LILRB1: variants seen among roughly 807,000 people sequenced by gnomAD.
The protein encoded by LILRB1 is leukocyte immunoglobulin-like receptor subfamily B member 1.
In LILRB1, 59 loss-of-function variants were observed where a neutral mutation model predicts 74.6. That is an observed-to-expected ratio of 0.79 (90% CI 0.64 to 0.98). LILRB1 has a LOEUF of 0.98. Among genes scored for constraint, LILRB1 ranks in the 50% least tolerant of loss-of-function variants. The pLI, the probability that LILRB1 is intolerant of heterozygous loss-of-function variation, is 0.00. For synonymous variants in LILRB1, 328 were observed against 333.9 expected, an observed-to-expected ratio of 0.98 and a Z score of 0.19; for missense variants, 804 against 822.6, an observed-to-expected ratio of 0.98 and a Z score of 0.28.
At chr19:54,635,959 G>A (rs189373144) in intron 13 of LILRB1, 71 of 577,396 alleles carry the variant, frequency 1.2e-4, no homozygotes, top group Admixed American at 7.0e-4. Flanking sequence ...ACTGTGGATG[G>A]GGCTCCCCAT....
rs2081658 is a variant in LILRB1 at position 54,634,030 on chromosome 19, C to T, written c.1363+9C>T. The T allele has an allele frequency of 1.0e-5, 16 of 1,588,486 alleles. No individual in the cohort carries two copies. Among genetic ancestry groups the T allele is most frequent in the African/African-American group, 2.7e-5 (2 of 74,414 alleles). On this transcript the variant is annotated intron_variant, in intron 9 of 14. Transcript: ENST00000324602. ...GTCGGATCCCCAGAGTGGTGAGTGA[C>T]GGGCTCTGAGTGGGAGGTGGGCAGG... is the stretch of plus-strand genomic sequence containing the variant.
chr19:54,630,050 C>G (rs1190931307), upstream of LILRB1, among the ~76,000 whole-genome samples: 1 of 152,174 alleles, frequency 6.6e-6, no homozygotes, highest in Admixed American at 6.5e-5. Context: ...GGAAATCAGG[C>G]ACAAATGAGC....
upstream of LILRB1, among the ~76,000 whole-genome samples, chr19:54,616,432 T>C (rs1225770334): frequency 1.3e-5 from 2 of 152,176 alleles, no homozygotes; most frequent in African/African-American, 2.4e-5. Context: ...ATTTGGTGCC[T>C]GAACACGTGA....
chr19:54,633,851 C>T (rs2064138647), intron 8 of LILRB1, 120 bp from the exon 9 acceptor site: 1 of 1,464,220 alleles, frequency 6.8e-7, no homozygotes. Flanking sequence ...TGAGGCTGGG[C>T]TGGTGAGGGG....
rs1264005947 is a variant in LILRB1 at position 54,637,306 on chromosome 19, TC to T, written c.*429del. The T allele has an allele frequency of 5.8e-6, 1 of 171,214 alleles. No homozygotes were observed. The highest frequency in any genetic ancestry group is 1.3e-5 in the Non-Finnish European group (1 of 79,080). 10.6% of individuals were successfully genotyped at this position (171,214 alleles called of 1,614,324 possible). On this transcript the variant is annotated 3_prime_UTR_variant, in exon 15 of 15. Coordinates refer to ENST00000324602, the MANE Select transcript of LILRB1 (RefSeq NM_001081637.3). The stretch of plus-strand genomic sequence containing the variant: ...ACTTTGGGAGGCCGAGGCGGGCAGA[TC>T]ACGAGTTCAGGAGATCGAGACCATC...
At chr19:54,622,896 G>A (rs1036996962) in intron 1 of LILRB1, among the ~76,000 whole-genome samples, 4 of 152,086 alleles carry the variant, frequency 2.6e-5, no homozygotes, top group East Asian at 1.9e-4. Flanking sequence ...GGACTTTCTC[G>A]AACGCTTTAT....
chr19:54,631,409 T>C (rs2146244469), intron 3 of LILRB1, 91 bp from the exon 4 acceptor site: 8 of 1,610,612 alleles, frequency 5.0e-6, no homozygotes, highest in Middle Eastern at 3.5e-4. Flanking sequence ...GGCTGACTGA[T>C]GGGGGCGTCT....
At chr19:54,635,067 T>A (rs2064272663) in intron 10 of LILRB1, 37 bp from the exon 11 acceptor site, 7 of 1,375,028 alleles carry the variant, frequency 5.1e-6, no homozygotes, top group Middle Eastern at 2.3e-4. Context: ...GGGGCTCCAA[T>A]GTTCCCAGGG....
Position 54,635,175 on chromosome 19 carries a change from T to G in LILRB1, c.1558T>G (p.Trp520Gly), listed in dbSNP as rs1436568391. The G allele has an allele frequency of 1.3e-6, 2 of 1,595,534 alleles. No homozygotes were observed. Among genetic ancestry groups the G allele is most frequent in the African/African-American group, 1.3e-5 (1 of 74,434 alleles). The change falls in exon 11 of 15, where the codon TGG (tryptophan) becomes GGG (glycine). Residue 520 changes from tryptophan to glycine, a missense_variant. Trp to Gly is a radical substitution (Grantham distance 184). Coordinates refer to ENST00000324602, the MANE Select transcript of LILRB1 (RefSeq NM_001081637.3). Reference sequence around the variant, plus strand: ...AGAGCCCACAGACAGAGGCCTGCAGTGGAGGTAATTCTGCCCGAAGACCCC... The same window carrying G: ...AGAGCCCACAGACAGAGGCCTGCAGGGGAGGTAATTCTGCCCGAAGACCCC... ...GPEPTDRGLQ[W>G]RSSPAADAQE...
chr19:54,617,018 C>A (rs537358312), upstream of LILRB1: 1 of 152,290 alleles, frequency 6.6e-6, no homozygotes, highest in Admixed American at 6.5e-5. Context: ...TTTAGACCTT[C>A]CGAGAGAGAA....
At chr19:54,618,322 A>G (rs911125681) in intron 1 of LILRB1, among the ~76,000 whole-genome samples, 2 of 152,208 alleles carry the variant, frequency 1.3e-5, no homozygotes. Context: ...TAAATCAAAT[A>G]CTTTATCAGG....
chr19:54,631,747 C>A lies in LILRB1; in HGVS notation c.318C>A (p.Gly106=). The A allele has an allele frequency of 6.2e-7, 1 of 1,614,266 alleles. No individual in the cohort carries two copies. The highest frequency in any genetic ancestry group is 8.5e-7 in the Non-Finnish European group (1 of 1,180,034). ...GTTACTATGGTAGCGACACTGCAGG[C>A]CGCTCAGAGAGCAGTGACCCCCTGG... ...YRCYYGSDTA[G]RSESSDPLEL... is the part of the protein sequence containing the mutation. Residue 106 remains glycine, a synonymous_variant, in exon 4 of 15, where the codon GGC becomes GGA. Coordinates refer to ENST00000324602, the MANE Select transcript of LILRB1 (RefSeq NM_001081637.3).
At chr19:54,620,861 C>CTTAT (rs1186448169) in intron 1 of LILRB1, among the ~76,000 whole-genome samples, 7 of 152,106 alleles carry the variant, frequency 4.6e-5, no homozygotes, top group African/African-American at 9.6e-5. Flanking sequence ...GTGCAGTTGT[C>CTTAT]TTATTTATTT....
intron 1 of LILRB1, among the ~76,000 whole-genome samples, chr19:54,623,752 G>A (rs1410109697): frequency 6.6e-6 from 1 of 152,218 alleles, no homozygotes; most frequent in African/African-American, 2.4e-5. Flanking sequence ...ATTTTTCACA[G>A]CGTCAGAATC....
intron 9 of LILRB1, 49 bp downstream of exon 9, chr19:54,634,070 G>A (rs1380815091): frequency 1.9e-6 from 3 of 1,561,616 alleles, no homozygotes; most frequent in Non-Finnish European, 2.6e-6. Context: ...AGGGGAGGCA[G>A]GGGTGGGTTC....
intron 13 of LILRB1, chr19:54,635,860 G>C (rs1353774784): frequency 1.5e-6 from 1 of 680,370 alleles, no homozygotes; most frequent in African/African-American, 1.8e-5. Flanking sequence ...GCTCTCCCCA[G>C]GCCTCAGGAG....
chr19:54,619,776 A>G (rs775808297), intron 1 of LILRB1, among the ~76,000 whole-genome samples: 17 of 152,140 alleles, frequency 1.1e-4, no homozygotes, highest in Non-Finnish European at 2.2e-4. Context: ...TCACTACCAA[A>G]CTACATGAAA....
At chr19:54,632,411 T>A (rs1461538725) in intron 5 of LILRB1, 53 bp from the exon 6 acceptor site, 119 of 1,557,180 alleles carry the variant, frequency 7.6e-5, no homozygotes, top group Non-Finnish European at 1.0e-4. Context: ...AAGGGAAGAT[T>A]TGTGGGGAAG....
In LILRB1 at chr19:54,632,622, C is replaced by T. The variant is rs371891126; in HGVS notation, c.820C>T (p.Gln274Ter). The part of the protein sequence containing the change: ...DFLQLAGAQP[Q>*]AGLSQANFTL... ...CCTTCAGCTCGCTGGCGCACAGCCC[C>T]AGGCTGGGCTCTCCCAGGCCAACTT... Residue 274 changes from glutamine to a stop codon, truncating the protein, a stop_gained, in exon 6 of 15, where the codon CAG becomes TAG. Transcript: ENST00000324602. LOFTEE classifies it high-confidence loss of function. 2 of 1,613,988 alleles carry T rather than the reference C, an allele frequency of 1.2e-6. No individual in the cohort carries two copies. The highest frequency in any genetic ancestry group is 2.7e-5 in the African/African-American group (2 of 74,906).
Sources: allele counts gnomAD v4.1 joint callset (sites outside exome capture counted in the v4.1 genomes callset), GRCh38; gene constraint gnomAD v4.1.1; transcripts MANE v1.5; gene names NCBI Gene and HGNC (gene_info 2026-07-23, HGNC 2026-07-21).